CRACD: variants seen among roughly 807,000 people sequenced by gnomAD.
CRACD encodes capping protein-inhibiting regulator of actin dynamics.
CRACD carries 56 observed loss-of-function variants against 106.8 expected under a neutral mutation model. That is an observed-to-expected ratio of 0.52 (90% CI 0.42 to 0.66). CRACD has a LOEUF of 0.66. Ranked by LOEUF, CRACD falls within the 30% of genes least tolerant of loss-of-function variation. The probability of loss-of-function intolerance (pLI) is 0.00; values close to 1 mark genes in which losing one functional copy is unlikely to be tolerated. For synonymous variants in CRACD, 754 were observed against 670.8 expected, an observed-to-expected ratio of 1.12 and a Z score of -1.92; for missense variants, 1,730 against 1,623.2, an observed-to-expected ratio of 1.07 and a Z score of -1.13.
chr4:56,087,791 T>G (rs540724347), intron 1 of CRACD, among the ~76,000 whole-genome samples: 2 of 152,306 alleles, frequency 1.3e-5, no homozygotes, highest in Admixed American at 6.5e-5. Context: ...CTTTTTTTAC[T>G]TACTTATTTC....
At chr4:56,206,992 T>C (rs1352742552) in intron 2 of CRACD, among the ~76,000 whole-genome samples, 4 of 152,228 alleles carry the variant, frequency 2.6e-5, no homozygotes, top group Non-Finnish European at 5.9e-5. Context: ...GGACTACTAT[T>C]ATGACTGTCT....
intron 2 of CRACD, among the ~76,000 whole-genome samples, chr4:56,188,736 G>GAGAGA (rs746010336): frequency 9.2e-4 from 113 of 122,750 alleles, no homozygotes; most frequent in Admixed American, 5.8e-3. Flanking sequence ...AGAGAGAGAG[G>GAGAGA]GGTTAACATT....
chr4:56,230,582 G>A (rs112991858), intron 2 of CRACD, among the ~76,000 whole-genome samples: 12 of 152,254 alleles, frequency 7.9e-5, no homozygotes, highest in African/African-American at 2.6e-4. Flanking sequence ...AAAATGAAGG[G>A]ATTGAACCTG....
intron 2 of CRACD, among the ~76,000 whole-genome samples, chr4:56,227,150 A>G (rs1739345479): frequency 6.6e-6 from 1 of 152,222 alleles, no homozygotes; most frequent in Non-Finnish European, 1.5e-5. Context: ...AAAGTGGTCA[A>G]CATAATGTGA....
At chr4:56,243,974 G>A (rs540517732) in intron 2 of CRACD, among the ~76,000 whole-genome samples, 5 of 152,146 alleles carry the variant, frequency 3.3e-5, no homozygotes, top group South Asian at 2.1e-4. Context: ...CTCTATGTCC[G>A]TGAGTTCAAA....
chr4:56,161,373 C>T (rs1428432623), intron 1 of CRACD, among the ~76,000 whole-genome samples: 1 of 152,036 alleles, frequency 6.6e-6, no homozygotes, highest in Non-Finnish European at 1.5e-5. Flanking sequence ...TAATTTGGAG[C>T]TTGAGAATGA....
intron 1 of CRACD, among the ~76,000 whole-genome samples, chr4:56,136,968 T>C (rs1735023831): frequency 6.6e-6 from 1 of 152,258 alleles, no homozygotes; most frequent in Non-Finnish European, 1.5e-5. Flanking sequence ...TATTTAATTA[T>C]TTTCTTATAC....
chr4:56,053,300 TA>T (rs1450862812), intron 1 of CRACD, among the ~76,000 whole-genome samples: 1 of 152,170 alleles, frequency 6.6e-6, no homozygotes, highest in Non-Finnish European at 1.5e-5. Flanking sequence ...CCAAGTATCC[TA>T]TTAGCGTTTT....
Position 56,315,124 on chromosome 4 carries a change from T to C in CRACD, c.1622T>C (p.Val541Ala), listed in dbSNP as rs780354219. 6.2e-7 allele frequency: 1 copy of C among 1,610,304 alleles called. No individual in the cohort carries two copies. Among genetic ancestry groups the C allele is most frequent in the South Asian group, 1.1e-5 (1 of 89,966 alleles). ...ATGCCCCGGCCCTACACGTTCCAGGTGTCCTCCGGAGGGAAGCAGATTCTC... is the reference window on the plus strand; with the variant it reads ...ATGCCCCGGCCCTACACGTTCCAGGCGTCCTCCGGAGGGAAGCAGATTCTC... ...QTMPRPYTFQVSSGGKQILFP... is the reference protein window; with the variant it reads ...QTMPRPYTFQASSGGKQILFP... The change falls in exon 8 of 11, where the codon GTG (valine) becomes GCG (alanine). Residue 541 changes from valine to alanine, a missense_variant. By Grantham distance (64) the Val-to-Ala change is moderately conservative. Transcript: ENST00000682029. The surrounding 1 kb of genome is among the most constrained non-coding windows in gnomAD (Gnocchi z 4.1).
chr4:56,304,874 T>C (rs1288240985), intron 4 of CRACD, among the ~76,000 whole-genome samples: 2 of 152,152 alleles, frequency 1.3e-5, no homozygotes, highest in African/African-American at 2.4e-5. Context: ...AAAATCCTAA[T>C]TAAATGGTAT....
intron 3 of CRACD, among the ~76,000 whole-genome samples, chr4:56,296,216 T>C (rs1038650731): frequency 1.3e-5 from 2 of 152,178 alleles, no homozygotes; most frequent in African/African-American, 2.4e-5. Context: ...AGTTTCTCAC[T>C]CTACTCCTTC....
intron 2 of CRACD, among the ~76,000 whole-genome samples, chr4:56,208,342 T>C (rs1738230571): frequency 6.6e-6 from 1 of 152,124 alleles, no homozygotes; most frequent in Admixed American, 6.6e-5. Flanking sequence ...CTGATGACAT[T>C]CTCAGAAGAC....
intron 1 of CRACD, among the ~76,000 whole-genome samples, chr4:56,124,021 T>G (rs557790978): frequency 1.3e-5 from 2 of 152,192 alleles, no homozygotes; most frequent in Non-Finnish European, 2.9e-5. Context: ...CACTGCAACC[T>G]CTGCCTCCCA....
At chr4:56,082,114 T>C (rs1334937557) in intron 1 of CRACD, among the ~76,000 whole-genome samples, 1 of 152,218 alleles carries the variant, frequency 6.6e-6, no homozygotes, top group African/African-American at 2.4e-5. Context: ...GGTGGTATGA[T>C]AGAGTTGCCT....
At chr4:56,135,563 CATCT>C (rs1406774321) in intron 1 of CRACD, among the ~76,000 whole-genome samples, 1 of 152,202 alleles carries the variant, frequency 6.6e-6, no homozygotes, top group East Asian at 1.9e-4. Flanking sequence ...TCTTCACATC[CATCT>C]GTGTTTTCTG....
chr4:56,221,315 T>C (rs1739019153), intron 2 of CRACD, among the ~76,000 whole-genome samples: 1 of 152,198 alleles, frequency 6.6e-6, no homozygotes, highest in African/African-American at 2.4e-5. Context: ...TTGGTGTACA[T>C]ATTTGTTATT....
At chr4:56,271,572 A>T (rs146815939) in intron 2 of CRACD, among the ~76,000 whole-genome samples, 96 of 144,744 alleles carry the variant, frequency 6.6e-4, no homozygotes, top group African/African-American at 9.9e-4. Context: ...TAAAAATATT[A>T]AAAAAAAAAC....
chr4:56,101,760 C>CAA (rs60106850), intron 1 of CRACD, among the ~76,000 whole-genome samples: 95 of 103,172 alleles, frequency 9.2e-4, no homozygotes, highest in African/African-American at 1.6e-3. Context: ...AAGACTGTCT[C>CAA]AAAAAAAAAA....
chr4:56,096,758 G>A (rs886159977), intron 1 of CRACD, among the ~76,000 whole-genome samples: 2 of 152,170 alleles, frequency 1.3e-5, no homozygotes, highest in Admixed American at 6.5e-5. Flanking sequence ...AGTGACAAGA[G>A]CAGTTCGATG....
Sources: gnomAD v4.1 joint callset for allele counts (sites outside exome capture counted in the v4.1 genomes callset) on GRCh38, gnomAD v4.1.1 for gene constraint, Gnocchi (gnomAD v3.1) non-coding constraint, MANE v1.5 for transcripts, NCBI Gene and HGNC (gene_info 2026-07-23, HGNC 2026-07-21) for gene names.